SNTG1: variants seen among roughly 807,000 people sequenced by gnomAD.
SNTG1 encodes syntrophin gamma 1.
In SNTG1, 39 loss-of-function variants were observed where a neutral mutation model predicts 74.7. The ratio of observed to expected loss-of-function variants is 0.52; its 90% CI spans 0.40 to 0.68. SNTG1 has a LOEUF of 0.68. Among genes scored for constraint, SNTG1 ranks in the 30% least tolerant of loss-of-function variants. SNTG1 has a pLI of 0.00. For synonymous variants in SNTG1, 254 were observed against 217.1 expected (o/e 1.17, Z -1.49); for missense variants, 685 against 609.5 (o/e 1.12, Z -1.30).
At chr8:50,699,347 GT>G (rs1436124422) in intron 15 of SNTG1, among the ~76,000 whole-genome samples, 1 of 152,084 alleles carries the variant, frequency 6.6e-6, no homozygotes, top group South Asian at 2.1e-4. Flanking sequence ...AAGGAAGGCA[GT>G]TTTTTCATGA....
chr8:50,115,576 A>AAAAAAACAAAAAAAAAAAAAC lies in SNTG1; in HGVS notation c.-102-56979_-102-56978insCAAAAAAAAAAAAACAAAAAA, dbSNP rs2080786336. Among the ~76,000 whole-genome samples, 17 of 82,904 alleles carry AAAAAAACAAAAAAAAAAAAAC rather than the reference A, an allele frequency of 2.1e-4. 5 individuals are homozygous for AAAAAAACAAAAAAAAAAAAAC. The highest frequency in any genetic ancestry group is 6.3e-3 in the Middle Eastern group (1 of 158). 54.4% of individuals were successfully genotyped at this position (82,904 alleles called of 152,430 possible). ...GAGCGAGACTCTGTCTCAAAAAAAAAAAAAAAAAAAACGAGATGGTTGAAG... is the reference window on the plus strand; with the variant it reads ...GAGCGAGACTCTGTCTCAAAAAAAAAAAAAAACAAAAAAAAAAAAACAAAAAAAAAAACGAGATGGTTGAAG... On this transcript the variant is annotated intron_variant, in intron 1 of 18. Transcript: ENST00000642720.
At position 50,209,226 on chromosome 8, in the gene SNTG1, G is replaced by T. The variant is rs10105597; in HGVS notation, c.-28+36591G>T. Among the ~76,000 whole-genome samples the T allele has an allele frequency of 8.1e-3, 1,234 of 152,224 alleles. 20 individuals are homozygous for T. Among genetic ancestry groups the T allele is most frequent in the African/African-American group, 0.029 (1,184 of 41,524 alleles). On this transcript the variant is annotated intron_variant, in intron 2 of 18. Transcript: ENST00000642720. ...AGTAGATAAACAAAGTGGCCAGGAA[G>T]TTCGAACTGGATGGAGCCCACTGCA...
At chr8:50,363,622 A>G (rs1010510180) in intron 2 of SNTG1, among the ~76,000 whole-genome samples, 1 of 152,208 alleles carries the variant, frequency 6.6e-6, no homozygotes, top group Non-Finnish European at 1.5e-5. Context: ...TTGATTATGC[A>G]TAAATATTAA....
intron 1 of SNTG1, among the ~76,000 whole-genome samples, chr8:50,159,134 A>G (rs1374152357): frequency 3.3e-5 from 5 of 151,792 alleles, no homozygotes; most frequent in Non-Finnish European, 5.9e-5. Context: ...TCTTGGCTCC[A>G]TGTTTATATT....
rs904270907 is a variant in SNTG1 at position 50,740,542 on chromosome 8, G to C, written c.1285-11459G>C. Among the ~76,000 whole-genome samples the C allele has an allele frequency of 7.9e-5, 12 of 152,198 alleles. No individual in the cohort carries two copies. In the East Asian group the frequency reaches 2.1e-3, roughly 27 times the overall value. ...AGGAAAGCTTTTACCTGGTTGGTGG[G>C]AGTATAAATTAGTTTAACCATTGTG... On this transcript the variant is annotated intron_variant, in intron 17 of 18. Transcript: ENST00000642720.
chr8:50,375,842 G>A (rs1443293464), intron 2 of SNTG1, among the ~76,000 whole-genome samples: 2 of 152,194 alleles, frequency 1.3e-5, no homozygotes, highest in South Asian at 2.1e-4. Flanking sequence ...CAGGGAAGGA[G>A]TAGCTCTGCA....
At chr8:50,399,439 C>A (rs998912358) in intron 3 of SNTG1, among the ~76,000 whole-genome samples, 1 of 152,132 alleles carries the variant, frequency 6.6e-6, no homozygotes, top group African/African-American at 2.4e-5. Flanking sequence ...TTTGTTTTAG[C>A]TCCTCAAACT....
intron 4 of SNTG1, among the ~76,000 whole-genome samples, chr8:50,426,073 C>T (rs1211575343): frequency 6.6e-6 from 1 of 152,132 alleles, no homozygotes; most frequent in Admixed American, 6.5e-5. Context: ...CGAGGCTCCC[C>T]TATTAACATC....
chr8:50,727,351 G>A (rs998388931), intron 17 of SNTG1, among the ~76,000 whole-genome samples: 2 of 152,140 alleles, frequency 1.3e-5, no homozygotes, highest in Non-Finnish European at 2.9e-5. Context: ...CTCTATACAA[G>A]CTGTCTTAGA....
intron 2 of SNTG1, among the ~76,000 whole-genome samples, chr8:50,331,858 T>A (rs1352718081): frequency 6.6e-6 from 1 of 152,216 alleles, no homozygotes; most frequent in South Asian, 2.1e-4. Flanking sequence ...GATGCTATAA[T>A]CTAAAGTGGA....
At chr8:49,975,756 C>CATAT (rs745909018) in intron 1 of SNTG1, among the ~76,000 whole-genome samples, 22 of 149,118 alleles carry the variant, frequency 1.5e-4, no homozygotes, top group African/African-American at 5.1e-4. Flanking sequence ...ACTCACAAAA[C>CATAT]ATATATATAT....
chr8:50,332,288 C>T (rs1003478895), intron 2 of SNTG1, among the ~76,000 whole-genome samples: 1 of 151,960 alleles, frequency 6.6e-6, no homozygotes, highest in Non-Finnish European at 1.5e-5. Flanking sequence ...TTCATTTTTT[C>T]CAGAAGAAAA....
chr8:50,695,340 T>C (rs1321990654), intron 15 of SNTG1, among the ~76,000 whole-genome samples: 2 of 151,984 alleles, frequency 1.3e-5, no homozygotes, highest in African/African-American at 4.8e-5. Context: ...CAATACCGTT[T>C]ATAATAGATA....
Position 50,792,771 on chromosome 8 carries a change from C to T in SNTG1, c.1496C>T (p.Ala499Val). 1.2e-6 allele frequency: 2 copies of T among 1,612,504 alleles called. No homozygotes were observed. Among genetic ancestry groups the T allele is most frequent in the South Asian group, 1.1e-5 (1 of 91,040 alleles). ...CLDPLFLGNQATASTAASSAT... is the reference protein window; with the variant it reads ...CLDPLFLGNQVTASTAASSAT... ...GACCCTCTATTTTTAGGCAATCAAG[C>T]TACTGCTTCTACTGCTGCCAGCTCT... Residue 499 changes from alanine to valine, a missense_variant, in exon 19 of 19, where the codon GCT becomes GTT. Physicochemically the swap from Ala to Val is moderately conservative, Grantham distance 64. Transcript: ENST00000642720.
chr8:50,418,563 T>C (rs767628561), intron 4 of SNTG1, among the ~76,000 whole-genome samples: 8 of 152,140 alleles, frequency 5.3e-5, no homozygotes, highest in Non-Finnish European at 1.0e-4. Context: ...AGCTCCAGCT[T>C]ATATCTTACC....
chr8:50,230,198 G>C (rs555383571), intron 2 of SNTG1, among the ~76,000 whole-genome samples: 2 of 151,342 alleles, frequency 1.3e-5, no homozygotes, highest in South Asian at 4.2e-4. Flanking sequence ...TAAAGCAACA[G>C]AAGAAAAGTA....
chr8:50,397,615 A>T (rs4607635), intron 3 of SNTG1, among the ~76,000 whole-genome samples: 165 of 152,292 alleles, frequency 1.1e-3, no homozygotes, highest in African/African-American at 3.5e-3. Context: ...CTTCAATACA[A>T]GAAGAATAGC....
intron 2 of SNTG1, among the ~76,000 whole-genome samples, chr8:50,350,612 T>G (rs1213359841): frequency 6.6e-6 from 1 of 150,654 alleles, no homozygotes; most frequent in Non-Finnish European, 1.5e-5. Context: ...ATCGGCACTC[T>G]GTATCTAGCT....
At chr8:50,217,862 GA>G (rs150736817) in intron 2 of SNTG1, among the ~76,000 whole-genome samples, 3,484 of 152,236 alleles carry the variant, frequency 0.023, 126 homozygotes, top group African/African-American at 0.079. Context: ...ATGTGAGGAT[GA>G]GGAGGAAAGA....
Sources: allele counts gnomAD v4.1 joint callset (sites outside exome capture counted in the v4.1 genomes callset), GRCh38; gene constraint gnomAD v4.1.1; transcripts MANE v1.5; gene names NCBI Gene and HGNC (gene_info 2026-07-23, HGNC 2026-07-21).